The following EYA4 variants were observed in gnomAD, a reference collection of about 807,000 sequenced individuals.
The protein encoded by EYA4 is protein phosphatase EYA4.
In EYA4, 31 loss-of-function variants were observed where a neutral mutation model predicts 87.9. That is an observed-to-expected ratio of 0.35 (90% CI 0.27 to 0.48). The LOEUF is 0.48. Ranked by LOEUF, EYA4 falls within the 20% of genes least tolerant of loss-of-function variation. The probability of loss-of-function intolerance (pLI) is 0.99; values close to 1 mark genes in which losing one functional copy is unlikely to be tolerated. For synonymous variants in EYA4, 263 were observed against 270.6 expected (o/e 0.97, Z 0.28); for missense variants, 678 against 761.4 (o/e 0.89, Z 1.29).
At chr6:133,490,896 T>C (rs1407222098) in intron 13 of EYA4, among the ~76,000 whole-genome samples, 1 of 152,136 alleles carries the variant, frequency 6.6e-6, no homozygotes, top group Non-Finnish European at 1.5e-5. Flanking sequence ...ATACAACAAC[T>C]GCAGAATATA....
At chr6:133,295,914 G>A (rs921785497) in intron 2 of EYA4, among the ~76,000 whole-genome samples, 1 of 152,154 alleles carries the variant, frequency 6.6e-6, no homozygotes, top group African/African-American at 2.4e-5. Context: ...TCTAGTGAAG[G>A]AAATAGAATA....
intron 3 of EYA4, among the ~76,000 whole-genome samples, chr6:133,428,941 T>G (rs1396314106): frequency 7.5e-6 from 1 of 132,954 alleles, no homozygotes; most frequent in South Asian, 2.5e-4. Flanking sequence ...TTTTTTTTTT[T>G]TGTGAAATGG....
intron 13 of EYA4, among the ~76,000 whole-genome samples, chr6:133,492,347 A>T (rs1797242636): frequency 6.6e-6 from 1 of 152,248 alleles, no homozygotes. Flanking sequence ...CAACAGAATG[A>T]AACACATAAA....
chr6:133,487,656 T>A (rs1026021890), intron 13 of EYA4, among the ~76,000 whole-genome samples: 1 of 152,096 alleles, frequency 6.6e-6, no homozygotes, highest in African/African-American at 2.4e-5. Context: ...AAGGGAAGGA[T>A]CCAATCTTGG....
chr6:133,441,539 C>T (rs1244148576), intron 3 of EYA4, among the ~76,000 whole-genome samples: 6 of 152,098 alleles, frequency 3.9e-5, no homozygotes, highest in East Asian at 3.9e-4. Flanking sequence ...GGGTTCTTAC[C>T]CCTGAGGCAC....
chr6:133,371,887 A>G (rs1263916240), intron 2 of EYA4, among the ~76,000 whole-genome samples: 2 of 152,172 alleles, frequency 1.3e-5, no homozygotes, highest in African/African-American at 4.8e-5. Flanking sequence ...AATTGAGGTC[A>G]AAGAGGAAGA....
At chr6:133,386,502 A>G (rs1174931821) in intron 3 of EYA4, among the ~76,000 whole-genome samples, 1 of 152,188 alleles carries the variant, frequency 6.6e-6, no homozygotes, top group African/African-American at 2.4e-5. Flanking sequence ...TATAACACAC[A>G]AATGATTTCT....
At chr6:133,361,353 C>T (rs7750244) in intron 2 of EYA4, among the ~76,000 whole-genome samples, 56,007 of 152,014 alleles carry the variant, frequency 0.37, 11,681 homozygotes, top group African/African-American at 0.58. Context: ...CATTCAGGGT[C>T]GTTTGCTGCA....
rs3777887 is a variant in EYA4 at position 133,515,192 on chromosome 6, C to T, written c.1502-129C>T. ...ACGAAGGATCAATATGGACATAAAT[C>T]TGTATCTCTCTGCATTTCTGATATA... On this transcript the variant is annotated intron_variant, in intron 16 of 19. Coordinates refer to ENST00000355286, the MANE Select transcript of EYA4 (RefSeq NM_004100.5). The T allele has an allele frequency of 0.18, 125,678 of 709,024 alleles. 13,767 individuals are homozygous for T. The highest frequency in any genetic ancestry group is 0.43 in the African/African-American group (25,006 of 57,696). 43.9% of individuals were successfully genotyped at this position (709,024 alleles called of 1,614,324 possible). A position where few individuals can be genotyped will look rare whatever the true frequency, so the allele number is the denominator to read the frequency against.
chr6:133,512,584 A>G, intron 14 of EYA4, 137 bp from the exon 15 acceptor site: 1 of 747,570 alleles, frequency 1.3e-6, no homozygotes, highest in Non-Finnish European at 2.4e-6. Flanking sequence ...AGAAAACAAG[A>G]GTGAGGCAAT....
At chr6:133,335,554 A>C (rs1388560709) in intron 2 of EYA4, among the ~76,000 whole-genome samples, 2 of 152,204 alleles carry the variant, frequency 1.3e-5, no homozygotes, top group African/African-American at 4.8e-5. Context: ...TATACAATCC[A>C]ACTGTCTTAA....
At chr6:133,326,982 G>A (rs1419220287) in intron 2 of EYA4, among the ~76,000 whole-genome samples, 2 of 151,956 alleles carry the variant, frequency 1.3e-5, no homozygotes, top group Non-Finnish European at 2.9e-5. Flanking sequence ...GTTCCTGAGG[G>A]CTCTTGCCTT....
intron 2 of EYA4, among the ~76,000 whole-genome samples, chr6:133,382,061 A>G (rs1413218952): frequency 2.0e-5 from 3 of 152,180 alleles, no homozygotes; most frequent in Non-Finnish European, 4.4e-5. Flanking sequence ...TCAGTTGGAA[A>G]AACATTTCTT....
intron 2 of EYA4, among the ~76,000 whole-genome samples, chr6:133,376,563 G>A (rs1785700544): frequency 6.6e-6 from 1 of 151,796 alleles, no homozygotes; most frequent in South Asian, 2.1e-4. Flanking sequence ...TGGGATAATT[G>A]AGCCCAGCTA....
chr6:133,492,956 C>CA (rs924044039), intron 13 of EYA4, among the ~76,000 whole-genome samples: 10 of 151,280 alleles, frequency 6.6e-5, no homozygotes, highest in Admixed American at 1.3e-4. Flanking sequence ...GAAGAGGACA[C>CA]AAAAAAAATG....
At chr6:133,386,295 A>G (rs889266412) in intron 3 of EYA4, among the ~76,000 whole-genome samples, 10 of 152,176 alleles carry the variant, frequency 6.6e-5, no homozygotes, top group African/African-American at 2.2e-4. Context: ...CCGAAAATAC[A>G]TGGTTCTTGT....
At chr6:133,335,309 A>G (rs1782283013) in intron 2 of EYA4, among the ~76,000 whole-genome samples, 1 of 152,244 alleles carries the variant, frequency 6.6e-6, no homozygotes, top group South Asian at 2.1e-4. Context: ...TTGCTAGTTT[A>G]TACATCTTTA....
intron 2 of EYA4, among the ~76,000 whole-genome samples, chr6:133,361,737 G>C (rs1222342706): frequency 6.6e-6 from 1 of 152,306 alleles, no homozygotes; most frequent in Admixed American, 6.5e-5. Flanking sequence ...TGATCAACTT[G>C]TTTGGTCAGT....
Position 133,355,909 on chromosome 6 carries a change from AG to A in EYA4, c.34-26482del, listed in dbSNP as rs527360037. 9.9e-5 allele frequency among the ~76,000 whole-genome samples: 15 copies of A among 152,276 alleles called. No individual in the cohort carries two copies. In the South Asian group the frequency reaches 2.9e-3, roughly 30 times the overall value. The stretch of plus-strand genomic sequence containing the variant: ...CGTTACAAAATACCATAGACTGGGT[AG>A]CTTAGGCAATACAAATGCATTTCTC... On this transcript the variant is annotated intron_variant, in intron 2 of 19. Transcript: ENST00000355286.
Sources: allele counts gnomAD v4.1 joint callset (sites outside exome capture counted in the v4.1 genomes callset), GRCh38; gene constraint gnomAD v4.1.1; transcripts MANE v1.5; gene names NCBI Gene and HGNC (gene_info 2026-07-23, HGNC 2026-07-21).